Variants in TP53BP1 observed in about 807,000 individuals in gnomAD.
TP53BP1 encodes tumor protein p53 binding protein 1.
In TP53BP1, 61 loss-of-function variants were observed where a neutral mutation model predicts 200.8. The observed-to-expected ratio is 0.30, with a 90% CI of 0.25 to 0.38. The LOEUF (loss-of-function observed/expected upper bound fraction) is 0.38. Ranked by LOEUF, TP53BP1 falls within the 10% of genes least tolerant of loss-of-function variation. The pLI, the probability that TP53BP1 is intolerant of heterozygous loss-of-function variation, is 1.00. For synonymous variants in TP53BP1, 822 were observed against 844.3 expected (o/e 0.97, Z 0.46); for missense variants, 2,144 against 2,371.9 (o/e 0.90, Z 2.00).
chr15:43,474,197 C>T (rs1035421323), intron 10 of TP53BP1, among the ~76,000 whole-genome samples: 8 of 152,190 alleles, frequency 5.3e-5, no homozygotes, highest in African/African-American at 1.9e-4. Context: ...AAGCCCACAC[C>T]CACCAGGAAC....
At chr15:43,450,380 T>C (rs923968457) in intron 12 of TP53BP1, among the ~76,000 whole-genome samples, 10 of 152,234 alleles carry the variant, frequency 6.6e-5, no homozygotes, top group Admixed American at 1.3e-4. Context: ...AGAATTTATA[T>C]ATCCGGCGAT....
intron 11 of TP53BP1, among the ~76,000 whole-genome samples, chr15:43,464,940 A>T (rs866799178): frequency 3.3e-5 from 5 of 151,806 alleles, no homozygotes; most frequent in South Asian, 4.1e-4. Context: ...AATAAATAAA[A>T]AAGGAATGAA....
At position 43,404,920 on chromosome 15, in the gene TP53BP1, C is replaced by T. The variant is rs1391833287; in HGVS notation, c.*2463G>A. 1.9e-6 allele frequency: 1 copy of T among 514,038 alleles called. No homozygotes were observed. Among genetic ancestry groups the T allele is most frequent in the African/African-American group, 1.9e-5 (1 of 51,676 alleles). The allele number at this position is 514,038 out of a possible 1,614,324, so 31.8% of individuals were successfully genotyped here. A position where few individuals can be genotyped will look rare whatever the true frequency, so the allele number is the denominator to read the frequency against. ...CGCATCTGTGAAAGGAGGCGACCAC[C>T]CCTTCTAACTCTAAACTTTAAAAAA... On this transcript the variant is annotated 3_prime_UTR_variant, in exon 28 of 28. Transcript: ENST00000382044.
chr15:43,405,885 C>G lies in TP53BP1; in HGVS notation c.*1498G>C, dbSNP rs2142911547. ...TGAAACCTCGATTCTACTAAAAATACAAAAATTAGCCAGGTGTGGTGGCAT... is the reference window on the plus strand; with the variant it reads ...TGAAACCTCGATTCTACTAAAAATAGAAAAATTAGCCAGGTGTGGTGGCAT... On this transcript the variant is annotated 3_prime_UTR_variant, in exon 28 of 28. Transcript: ENST00000382044. 1 of 151,798 alleles carries G rather than the reference C, an allele frequency of 6.6e-6. No homozygotes were observed. Among genetic ancestry groups the G allele is most frequent in the South Asian group, 2.1e-4 (1 of 4,798 alleles). 9.4% of individuals were successfully genotyped at this position (151,798 alleles called of 1,614,324 possible).
chr15:43,452,326 G>T (rs1249168378), intron 12 of TP53BP1, among the ~76,000 whole-genome samples: 2 of 152,068 alleles, frequency 1.3e-5, no homozygotes, highest in African/African-American at 4.8e-5. Context: ...GGCACTCTGG[G>T]AGGCCAAGGT....
In TP53BP1 at chr15:43,422,528, C is replaced by T. The variant is rs116871543; in HGVS notation, c.3829-402G>A. Among the ~76,000 whole-genome samples the T allele has an allele frequency of 1.5e-3, 227 of 152,262 alleles. 2 individuals carry two copies. The highest frequency in any genetic ancestry group is 2.8e-3 in the Non-Finnish European group (188 of 68,014). On this transcript the variant is annotated intron_variant, in intron 18 of 27. Transcript: ENST00000382044. Reference sequence around the variant, plus strand: ...CTAACCTAGACGACAGAAGTAAATTCTTATCTGAGAGAAGACAGGGAAGGA... The same window carrying T: ...CTAACCTAGACGACAGAAGTAAATTTTTATCTGAGAGAAGACAGGGAAGGA...
At chr15:43,468,026 C>A (rs943572662) in intron 11 of TP53BP1, among the ~76,000 whole-genome samples, 1 of 152,082 alleles carries the variant, frequency 6.6e-6, no homozygotes, top group Non-Finnish European at 1.5e-5. Flanking sequence ...CTCAAGTGAT[C>A]CGCCTGCCTC....
At chr15:43,468,884 T>C (rs1178747427) in intron 11 of TP53BP1, among the ~76,000 whole-genome samples, 7 of 152,180 alleles carry the variant, frequency 4.6e-5, no homozygotes, top group African/African-American at 1.4e-4. Flanking sequence ...CAAATTCTAA[T>C]GAACTGCATA....
intron 25 of TP53BP1, 61 bp from the exon 26 acceptor site, chr15:43,409,157 C>T: frequency 6.6e-7 from 1 of 1,505,404 alleles, no homozygotes; most frequent in Non-Finnish European, 9.2e-7. Context: ...TCCTAAGCAG[C>T]AGCCATAATG....
At chr15:43,468,702 TAACTC>T (rs1423457159) in intron 11 of TP53BP1, among the ~76,000 whole-genome samples, 3 of 152,166 alleles carry the variant, frequency 2.0e-5, no homozygotes, top group Non-Finnish European at 4.4e-5. Flanking sequence ...TTATATATAT[TAACTC>T]AACCTTTCAT....
chr15:43,478,606 C>G (rs890996174), intron 7 of TP53BP1, among the ~76,000 whole-genome samples: 1 of 152,228 alleles, frequency 6.6e-6, no homozygotes, highest in Admixed American at 6.5e-5. Flanking sequence ...ATAAAAATCA[C>G]GAGAGATGAA....
chr15:43,456,853 A>C lies in TP53BP1; in HGVS notation c.1755T>G (p.Ser585Arg), dbSNP rs145227124. 7.7e-5 allele frequency: 124 copies of C among 1,613,892 alleles called. No individual in the cohort carries two copies. Among genetic ancestry groups the C allele is most frequent in the Non-Finnish European group, 9.2e-5 (109 of 1,180,022 alleles). ...CTCCCTTTGTTTTGTCATCATTCTG[A>C]CTCAGTTGTACTTCACCATCCTGTG... ...NPAQDGEVQL[S>R]QNDDKTKGDD... is the part of the protein sequence containing the mutation. The change falls in exon 12 of 28, where the codon AGT (serine) becomes AGG (arginine). Residue 585 changes from serine to arginine, a missense_variant. This residue lies in a region of TP53BP1 where 1,700 missense variants were observed against 1,710.3 expected (regional missense o/e 0.99). Coordinates refer to ENST00000382044, the MANE Select transcript of TP53BP1 (RefSeq NM_001141980.3).
intron 27 of TP53BP1, 51 bp downstream of exon 27, chr15:43,407,892 G>C: frequency 6.4e-7 from 1 of 1,572,756 alleles, no homozygotes; most frequent in Non-Finnish European, 8.6e-7. Flanking sequence ...AACACCTACA[G>C]GTCTAAGGAG....
chr15:43,434,536 C>T (rs1376923274), intron 16 of TP53BP1, among the ~76,000 whole-genome samples: 8 of 152,152 alleles, frequency 5.3e-5, no homozygotes, highest in African/African-American at 1.9e-4. Flanking sequence ...AAATCCTAAC[C>T]ACCAAGGTGA....
intron 12 of TP53BP1, among the ~76,000 whole-genome samples, chr15:43,452,921 G>A (rs1335494477): frequency 3.3e-5 from 5 of 152,158 alleles, no homozygotes; most frequent in East Asian, 3.9e-4. Context: ...CAGGCCGGGC[G>A]CGGTGGCTCA....
At chr15:43,421,435 C>T (rs1267756806) in intron 19 of TP53BP1, among the ~76,000 whole-genome samples, 2 of 152,148 alleles carry the variant, frequency 1.3e-5, no homozygotes, top group African/African-American at 4.8e-5. Flanking sequence ...ACAGCACACC[C>T]AATTTCTGCT....
intron 1 of TP53BP1, among the ~76,000 whole-genome samples, chr15:43,502,763 G>GT (rs1322291342): frequency 6.8e-6 from 1 of 147,934 alleles, no homozygotes; most frequent in Admixed American, 6.8e-5. Flanking sequence ...CCTGCCATTT[G>GT]TTTTTTTCTT....
At chr15:43,448,819 G>A (rs12899865) in intron 12 of TP53BP1, among the ~76,000 whole-genome samples, 25,646 of 152,162 alleles carry the variant, frequency 0.17, 2,340 homozygotes, top group Middle Eastern at 0.27. Flanking sequence ...AAGTACATAT[G>A]CTCAGCTAAA....
At chr15:43,408,862 G>T (rs776544530) in intron 26 of TP53BP1, 35 bp downstream of exon 26, 6 of 1,603,072 alleles carry the variant, frequency 3.7e-6, no homozygotes, top group African/African-American at 1.3e-5. Flanking sequence ...CTGTCCTCCT[G>T]CCTATACAAT....
Sources: gnomAD v4.1 joint callset for allele counts (sites outside exome capture counted in the v4.1 genomes callset) on GRCh38, gnomAD v4.1.1 for gene constraint, gnomAD v4.1.1 regional missense constraint, MANE v1.5 for transcripts, NCBI Gene and HGNC (gene_info 2026-07-23, HGNC 2026-07-21) for gene names.